GALNT1: variants seen among roughly 807,000 people sequenced by gnomAD.
GALNT1 encodes the protein polypeptide N-acetylgalactosaminyltransferase 1.
Under a neutral mutation model 65.7 loss-of-function variants are expected in GALNT1, and 17 were observed. The observed-to-expected ratio is 0.26, with a 90% CI of 0.18 to 0.39. The LOEUF (loss-of-function observed/expected upper bound fraction) is 0.39. GALNT1 is among the 10% of genes least tolerant of loss of function. GALNT1 has a pLI of 1.00. For missense variants in GALNT1, 460 were observed against 672.8 expected (o/e 0.68, Z 3.50); for synonymous variants, 210 against 219.7 (o/e 0.96, Z 0.39).
Position 35,677,666 on chromosome 18 carries a change from C to T in GALNT1, c.390C>T (p.Ser130=), listed in dbSNP as rs774846068. Residue 130 remains serine, a synonymous_variant, in exon 4 of 12, where the codon AGC becomes AGT. Coordinates refer to ENST00000269195, the MANE Select transcript of GALNT1 (RefSeq NM_020474.4). ...VVIVFHNEAW[S]TLLRTVHSVI... is the part of the protein sequence containing the mutation. ...TTGTTTTCCACAATGAGGCTTGGAG[C>T]ACACTTCTGCGAACTGTCCATAGTG... 1 of 1,612,954 alleles carries T rather than the reference C, an allele frequency of 6.2e-7. No individual in the cohort carries two copies. Among genetic ancestry groups the T allele is most frequent in the South Asian group, 1.1e-5 (1 of 91,000 alleles).
At chr18:35,707,530 C>T (rs2048283600) in intron 11 of GALNT1, among the ~76,000 whole-genome samples, 1 of 152,230 alleles carries the variant, frequency 6.6e-6, no homozygotes, top group Admixed American at 6.5e-5. Flanking sequence ...GTCTAGGCTT[C>T]CTGGGGGTGC....
At chr18:35,675,158 A>G (rs1307890416) in intron 3 of GALNT1, among the ~76,000 whole-genome samples, 1 of 152,118 alleles carries the variant, frequency 6.6e-6, no homozygotes. Context: ...CCCAAAACAC[A>G]AAAGGACAGG....
chr18:35,667,722 C>T (rs1036029120), intron 3 of GALNT1, among the ~76,000 whole-genome samples: 1 of 152,066 alleles, frequency 6.6e-6, no homozygotes, highest in Admixed American at 6.6e-5. Flanking sequence ...TACATCTTTT[C>T]TCAGCCTACA....
At chr18:35,683,739 C>T (rs2047820865) in intron 5 of GALNT1, 141 bp downstream of exon 5, 3 of 673,720 alleles carry the variant, frequency 4.5e-6, no homozygotes, top group African/African-American at 3.6e-5. Context: ...GAAGAGGACT[C>T]TAAAGGAAAT....
chr18:35,686,752 T>A (rs2047873563), intron 5 of GALNT1, among the ~76,000 whole-genome samples: 1 of 152,082 alleles, frequency 6.6e-6, no homozygotes, highest in South Asian at 2.1e-4. Flanking sequence ...AAAATTTTTT[T>A]AATTAGTTGA....
chr18:35,625,877 G>T (rs934759199), intron 1 of GALNT1, among the ~76,000 whole-genome samples: 1 of 152,104 alleles, frequency 6.6e-6, no homozygotes, highest in African/African-American at 2.4e-5. Context: ...AAAAATTAAA[G>T]TATGAGAAGA....
chr18:35,591,037 G>C (rs569344059), intron 1 of GALNT1, among the ~76,000 whole-genome samples: 1 of 152,316 alleles, frequency 6.6e-6, no homozygotes, highest in Non-Finnish European at 1.5e-5. Context: ...TAGGAAATAA[G>C]GGTAACATGG....
At chr18:35,683,321 T>G in intron 4 of GALNT1, 70 bp from the exon 5 acceptor site, 1 of 1,287,842 alleles carries the variant, frequency 7.8e-7, no homozygotes. Context: ...ATTTTCCAAA[T>G]CAAAATTACT....
chr18:35,706,354 C>T (rs2144765905), intron 11 of GALNT1, among the ~76,000 whole-genome samples: 2 of 151,986 alleles, frequency 1.3e-5, no homozygotes, highest in South Asian at 4.2e-4. Context: ...AAAAATACAC[C>T]ATACAGGCAT....
At chr18:35,657,648 G>T (rs531025176) in intron 2 of GALNT1, among the ~76,000 whole-genome samples, 1 of 152,228 alleles carries the variant, frequency 6.6e-6, no homozygotes, top group South Asian at 2.1e-4. Context: ...CCAGCCAAGG[G>T]TGGCATTTGC....
At chr18:35,695,287 GAGAGGTCATCTCTTATCA>G (rs1295297685) in intron 9 of GALNT1, among the ~76,000 whole-genome samples, 7 of 152,056 alleles carry the variant, frequency 4.6e-5, no homozygotes, top group African/African-American at 1.7e-4. Flanking sequence ...GTGGGAAGAA[GAGAGGTCATCTCTTATCA>G]TGGGGAGGAA....
At chr18:35,663,131 G>A (rs181961678) in intron 2 of GALNT1, among the ~76,000 whole-genome samples, 14 of 152,268 alleles carry the variant, frequency 9.2e-5, no homozygotes, top group South Asian at 2.1e-4. Flanking sequence ...GTGTTGCAGC[G>A]ATGGAAGCCG....
chr18:35,698,199 G>A (rs1357761550), intron 9 of GALNT1, among the ~76,000 whole-genome samples: 1 of 152,200 alleles, frequency 6.6e-6, no homozygotes. Context: ...CACGCCTGGT[G>A]ACTCACACCT....
intron 1 of GALNT1, among the ~76,000 whole-genome samples, chr18:35,626,560 T>C (rs1018762742): frequency 2.0e-5 from 3 of 152,236 alleles, no homozygotes; most frequent in Admixed American, 1.3e-4. Context: ...GGTTGCAGAT[T>C]GGTGTATCAG....
chr18:35,670,190 G>A (rs2047613972), intron 3 of GALNT1, among the ~76,000 whole-genome samples: 1 of 151,988 alleles, frequency 6.6e-6, no homozygotes, highest in Non-Finnish European at 1.5e-5. Context: ...TGCTCAGGAG[G>A]CTGAGGCAGA....
rs568420431 is a variant in GALNT1, at chr18:35,651,795, A to G, written c.-103-2765A>G. 9.5e-4 allele frequency among the ~76,000 whole-genome samples: 144 copies of G among 152,356 alleles called. 1 individual carries two copies. The highest frequency in any genetic ancestry group is 3.0e-3 in the African/African-American group (125 of 41,574). On this transcript the variant is annotated intron_variant, in intron 1 of 11. Transcript: ENST00000269195. ...AATACATTGTACTAGCTTTCATTAAACAAATTGAAGTAATAATTATTTAAT... is the reference window on the plus strand; with the variant it reads ...AATACATTGTACTAGCTTTCATTAAGCAAATTGAAGTAATAATTATTTAAT...
intron 3 of GALNT1, among the ~76,000 whole-genome samples, chr18:35,665,569 C>G (rs2047538001): frequency 1.3e-5 from 2 of 152,168 alleles, no homozygotes; most frequent in African/African-American, 4.8e-5. Flanking sequence ...TTTCAGAACA[C>G]TGAGGATTTC....
At chr18:35,656,611 A>G (rs2047390199) in intron 2 of GALNT1, among the ~76,000 whole-genome samples, 1 of 152,244 alleles carries the variant, frequency 6.6e-6, no homozygotes, top group Admixed American at 6.5e-5. Flanking sequence ...TAGGAGAACA[A>G]GAGCACAGGA....
Position 35,710,023 on chromosome 18 carries a change from C to T in GALNT1, c.*253C>T. The T allele has an allele frequency of 2.7e-6, 1 of 366,818 alleles. No homozygotes were observed. Among genetic ancestry groups the T allele is most frequent in the South Asian group, 6.5e-5 (1 of 15,318 alleles). The allele number at this position is 366,818 out of a possible 1,614,324, so 22.7% of individuals were successfully genotyped here. A position where few individuals can be genotyped will look rare whatever the true frequency, so the allele number is the denominator to read the frequency against. The stretch of plus-strand genomic sequence containing the variant: ...TGTTTACAAGATTGAAAGAGTCTTT[C>T]TCCGAAAATCATGGTAAAGAATACT... On this transcript the variant is annotated 3_prime_UTR_variant, in exon 12 of 12. Coordinates refer to ENST00000269195, the MANE Select transcript of GALNT1 (RefSeq NM_020474.4).
Sources: allele counts gnomAD v4.1 joint callset (sites outside exome capture counted in the v4.1 genomes callset), GRCh38; gene constraint gnomAD v4.1.1; transcripts MANE v1.5; gene names NCBI Gene and HGNC (gene_info 2026-07-23, HGNC 2026-07-21).